Variants in ATP5MF observed in about 807,000 individuals in gnomAD.
ATP5MF encodes ATP synthase F(0) complex subunit f, mitochondrial.
ATP5MF carries 10 observed loss-of-function variants against 13.8 expected under a neutral mutation model. The observed-to-expected ratio is 0.72, with a 90% confidence interval of 0.45 to 1.23. The LOEUF (loss-of-function observed/expected upper bound fraction) is 1.23, where lower values mean the gene tolerates loss of function less well. ATP5MF is among the 50% of genes most tolerant of loss of function. ATP5MF has a pLI of 0.00. For synonymous variants in ATP5MF, 40 were observed against 45.8 expected (o/e 0.87, Z 0.51); for missense variants, 122 against 118.2 (o/e 1.03, Z -0.15).
intron 1 of ATP5MF, among the ~76,000 whole-genome samples, chr7:99,462,507 T>C (rs1798662280): frequency 6.6e-6 from 1 of 151,948 alleles, no homozygotes; most frequent in African/African-American, 2.4e-5. Context: ...CAGGGCACGG[T>C]GGCTCACGCC....
chr7:99,459,271 C>A lies in ATP5MF; in HGVS notation c.140-8G>T, dbSNP rs776649727. 1.3e-6 allele frequency: 2 copies of A among 1,597,286 alleles called. No homozygotes were observed. The highest frequency in any genetic ancestry group is 1.7e-6 in the Non-Finnish European group (2 of 1,164,630). On this transcript the variant is annotated splice_polypyrimidine_tract_variant and splice_region_variant and intron_variant, in intron 2 of 3. Transcript: ENST00000292475. ...TGTAGTACCGGTAGTAACCTGCAAA[C>A]GCAAGAGGCGCTCACTGCCCTGCTG...
intron 1 of ATP5MF, 106 bp downstream of exon 1, chr7:99,466,005 T>A (rs1584538223): frequency 6.3e-7 from 1 of 1,577,412 alleles, no homozygotes; most frequent in East Asian, 2.3e-5. Context: ...CGTGGCGAAG[T>A]GCCTGAGCAA....
intron 1 of ATP5MF, among the ~76,000 whole-genome samples, chr7:99,460,724 C>T (rs535610531): frequency 2.0e-5 from 3 of 152,200 alleles, no homozygotes; most frequent in East Asian, 1.9e-4. Context: ...CGCTGGAGAA[C>T]GTACAAGAGG....
At chr7:99,465,620 G>A (rs1420579747) in intron 1 of ATP5MF, among the ~76,000 whole-genome samples, 1 of 152,088 alleles carries the variant, frequency 6.6e-6, no homozygotes, top group East Asian at 1.9e-4. Flanking sequence ...CTCAGCCCTC[G>A]CACGAGTTGT....
At chr7:99,465,672 T>C (rs1798839609) in intron 1 of ATP5MF, among the ~76,000 whole-genome samples, 1 of 152,174 alleles carries the variant, frequency 6.6e-6, no homozygotes, top group Admixed American at 6.5e-5. Context: ...TCAACATATA[T>C]GCATCGAACC....
chr7:99,459,395 A>T (rs1774842161), intron 2 of ATP5MF, 132 bp from the exon 3 acceptor site: 1 of 683,600 alleles, frequency 1.5e-6, no homozygotes, highest in African/African-American at 1.8e-5. Context: ...CCCTGCATTC[A>T]CTGGCTGATA....
intron 3 of ATP5MF, chr7:99,458,825 T>G: frequency 3.0e-6 from 1 of 338,614 alleles, no homozygotes; most frequent in East Asian, 6.4e-5. Context: ...ACTCAACTCA[T>G]TTCTCTTTCT....
In ATP5MF at chr7:99,460,158, G is replaced by C; in HGVS notation, c.67C>G (p.Leu23Val). 6.2e-7 allele frequency: 1 copy of C among 1,614,188 alleles called. No individual in the cohort carries two copies. Among genetic ancestry groups the C allele is most frequent in the Non-Finnish European group, 8.5e-7 (1 of 1,180,030 alleles). Reference protein sequence around the residue: ...VKDKKLLEVKLGELPSWILMR... With the variant: ...VKDKKLLEVKVGELPSWILMR... ...AAGATCCAGCTTGGCAGCTCCCCCA[G>C]TTTGACCTCCAGAAGTTTCTTGTCC... The change falls in exon 2 of 4, where the codon CTG becomes GTG. Residue 23 changes from leucine to valine, a missense_variant. Transcript: ENST00000292475.
chr7:99,460,291 G>A (rs546204621), intron 1 of ATP5MF, 98 bp from the exon 2 acceptor site: 4 of 1,339,324 alleles, frequency 3.0e-6, no homozygotes, highest in South Asian at 2.5e-5. Context: ...CAATAAAGGT[G>A]CATAATGCAA....
chr7:99,460,429 G>T, intron 1 of ATP5MF: 1 of 698,034 alleles, frequency 1.4e-6, no homozygotes, highest in Non-Finnish European at 2.6e-6. Flanking sequence ...CAGGACGTCT[G>T]AGTAACAGCT....
At position 99,458,229 on chromosome 7, in the gene ATP5MF, T is replaced by G; in HGVS notation, c.*98A>C. ...TGTTTTATTTGGAGGTTAATTCCTA[T>G]TAGGATATGAAAGGATTCAGCAACG... is the stretch of plus-strand genomic sequence containing the variant. On this transcript the variant is annotated 3_prime_UTR_variant, in exon 4 of 4. Transcript: ENST00000292475. The G allele has an allele frequency of 1.6e-6, 2 of 1,255,452 alleles. No individual in the cohort carries two copies. Among genetic ancestry groups the G allele is most frequent in the Non-Finnish European group, 1.1e-6 (1 of 888,430 alleles). The allele number at this position is 1,255,452 out of a possible 1,614,324, so 77.8% of individuals were successfully genotyped here.
intron 1 of ATP5MF, among the ~76,000 whole-genome samples, chr7:99,463,497 G>A (rs1798707131): frequency 6.6e-6 from 1 of 152,150 alleles, no homozygotes; most frequent in Admixed American, 6.5e-5. Flanking sequence ...ACCATTCTAG[G>A]CCCTGTACAG....
chr7:99,461,355 G>A (rs1287110509), intron 1 of ATP5MF, among the ~76,000 whole-genome samples: 1 of 152,002 alleles, frequency 6.6e-6, no homozygotes, highest in Admixed American at 6.5e-5. Context: ...GACTACAGGT[G>A]TGTGCCACCA....
intron 1 of ATP5MF, among the ~76,000 whole-genome samples, chr7:99,464,604 A>G (rs1798764634): frequency 6.6e-6 from 1 of 152,114 alleles, no homozygotes; most frequent in Admixed American, 6.6e-5. Flanking sequence ...CAGAGCTTGC[A>G]GTGAGCTGAG....
intron 1 of ATP5MF, among the ~76,000 whole-genome samples, chr7:99,463,316 G>A (rs183883429): frequency 7.2e-5 from 11 of 152,330 alleles, no homozygotes; most frequent in Admixed American, 3.3e-4. Context: ...GGCCACATAA[G>A]GTCTTCATAG....
intron 1 of ATP5MF, among the ~76,000 whole-genome samples, chr7:99,464,279 A>G (rs1047068868): frequency 6.6e-6 from 1 of 152,272 alleles, no homozygotes; most frequent in African/African-American, 2.4e-5. Context: ...TGTACGACGA[A>G]TGCTATTATG....
At chr7:99,464,698 C>T (rs1798772794) in intron 1 of ATP5MF, among the ~76,000 whole-genome samples, 1 of 151,824 alleles carries the variant, frequency 6.6e-6, no homozygotes, top group Non-Finnish European at 1.5e-5. Context: ...CAGTGGCTCA[C>T]GCTGGTAATC....
intron 1 of ATP5MF, among the ~76,000 whole-genome samples, chr7:99,462,987 T>G (rs991105472): frequency 6.6e-6 from 1 of 152,198 alleles, no homozygotes; most frequent in African/African-American, 2.4e-5. Context: ...TTAATGCCAT[T>G]TTGTAGGTGT....
chr7:99,459,911 G>A, intron 2 of ATP5MF, 175 bp downstream of exon 2: 1 of 690,872 alleles, frequency 1.4e-6, no homozygotes, highest in Non-Finnish European at 2.4e-6. Context: ...GCCAGCCTTT[G>A]AAAGGGCCAA....
Sources: gnomAD v4.1 joint callset for allele counts (sites outside exome capture counted in the v4.1 genomes callset) on GRCh38, gnomAD v4.1.1 for gene constraint, MANE v1.5 for transcripts, NCBI Gene and HGNC (gene_info 2026-07-23, HGNC 2026-07-21) for gene names.